The following SLC16A7 variants were observed in gnomAD, a reference collection of about 807,000 sequenced individuals.
SLC16A7 encodes the protein solute carrier family 16 member 7.
Under a neutral mutation model 34.9 loss-of-function variants are expected in SLC16A7, and 33 were observed. The observed-to-expected ratio is 0.94, with a 90% confidence interval of 0.72 to 1.26. The LOEUF (loss-of-function observed/expected upper bound fraction) is 1.26, where lower values mean the gene tolerates loss of function less well. Among genes scored for constraint, SLC16A7 ranks in the 50% most tolerant of loss-of-function variants. The pLI is 0.00. For missense variants in SLC16A7, 573 were observed against 578.1 expected, an observed-to-expected ratio of 0.99 and a Z score of 0.09; for synonymous variants, 201 against 206.6, an observed-to-expected ratio of 0.97 and a Z score of 0.23.
At chr12:59,767,897 A>C (rs1049174947) in intron 3 of SLC16A7, among the ~76,000 whole-genome samples, 8 of 147,164 alleles carry the variant, frequency 5.4e-5, no homozygotes, top group African/African-American at 2.0e-4. Context: ...GAACAATGAG[A>C]ACACTTGGAC....
intron 3 of SLC16A7, among the ~76,000 whole-genome samples, chr12:59,708,681 G>T (rs1268632249): frequency 3.3e-5 from 5 of 151,940 alleles, no homozygotes; most frequent in African/African-American, 9.7e-5. Context: ...CACTACTGTG[G>T]GGTCACTGAG....
Position 59,596,739 on chromosome 12 carries a change from G to A in SLC16A7, c.-130+503G>A, listed in dbSNP as rs1481993459. ...GAAGGTGGAGGCGGGGGTGGAGTGT[G>A]TGGAGAGAACGTCTTCTCTTTGAGC... is the stretch of plus-strand genomic sequence containing the variant. On this transcript the variant is annotated intron_variant, in intron 1 of 5. Coordinates refer to ENST00000547379, the MANE Select transcript of SLC16A7 (RefSeq NM_001270623.2). The surrounding 1 kb of genome is among the most constrained non-coding windows in gnomAD (Gnocchi z 5.0). 6.6e-6 allele frequency among the ~76,000 whole-genome samples: 1 copy of A among 152,210 alleles called. No homozygotes were observed. The highest frequency in any genetic ancestry group is 6.5e-5 in the Admixed American group (1 of 15,290).
chr12:59,747,820 A>C (rs939361590), intron 3 of SLC16A7, among the ~76,000 whole-genome samples: 1 of 152,210 alleles, frequency 6.6e-6, no homozygotes, highest in Non-Finnish European at 1.5e-5. Context: ...AATAATTGCA[A>C]AACTCTTTCC....
At chr12:59,668,777 C>T (rs550272506) in intron 2 of SLC16A7, among the ~76,000 whole-genome samples, 2 of 152,162 alleles carry the variant, frequency 1.3e-5, no homozygotes, top group African/African-American at 4.8e-5. Flanking sequence ...GCCTTTGGTC[C>T]CCATTCAAAT....
chr12:59,733,025 CT>C (rs1877139455), intron 3 of SLC16A7, among the ~76,000 whole-genome samples: 1 of 152,172 alleles, frequency 6.6e-6, no homozygotes, highest in Non-Finnish European at 1.5e-5. Flanking sequence ...TAAGTGGTAA[CT>C]TTACACTCTC....
At chr12:59,614,262 C>G (rs553399629) in intron 1 of SLC16A7, among the ~76,000 whole-genome samples, 1 of 152,176 alleles carries the variant, frequency 6.6e-6, no homozygotes, top group South Asian at 2.1e-4. Flanking sequence ...GTCTCTAACT[C>G]CTGACCTCAG....
Position 59,787,766 on chromosome 12 carries a change from T to C in SLC16A7, c.*8087T>C, listed in dbSNP as rs1565733175. Reference sequence around the variant, plus strand: ...AAAAACATCTGTAGTACGTGATGTGTTTGGTTAGATTCAGCCAAACCGACA... The same window carrying C: ...AAAAACATCTGTAGTACGTGATGTGCTTGGTTAGATTCAGCCAAACCGACA... On this transcript the variant is annotated 3_prime_UTR_variant, in exon 6 of 6. Coordinates refer to ENST00000547379, the MANE Select transcript of SLC16A7 (RefSeq NM_001270623.2). 1.3e-5 allele frequency: 2 copies of C among 152,146 alleles called. No homozygotes were observed. Among genetic ancestry groups the C allele is most frequent in the African/African-American group, 4.8e-5 (2 of 41,426 alleles). 9.4% of individuals were successfully genotyped at this position (152,146 alleles called of 1,614,324 possible). A position where few individuals can be genotyped will look rare whatever the true frequency, so the allele number is the denominator to read the frequency against.
chr12:59,768,488 T>C (rs1013540091), intron 3 of SLC16A7, among the ~76,000 whole-genome samples: 1 of 152,178 alleles, frequency 6.6e-6, no homozygotes, highest in Non-Finnish European at 1.5e-5. Context: ...TTACTTCTGA[T>C]GAAAATGCTG....
chr12:59,611,395 G>T (rs747236017), intron 1 of SLC16A7, among the ~76,000 whole-genome samples: 3 of 152,174 alleles, frequency 2.0e-5, no homozygotes, highest in Non-Finnish European at 4.4e-5. Context: ...AGAACAGCAT[G>T]AGGGTAACTG....
chr12:59,739,019 CATTTATTT>C (rs71850686), intron 3 of SLC16A7, among the ~76,000 whole-genome samples: 6,169 of 146,432 alleles, frequency 0.042, 419 homozygotes, highest in African/African-American at 0.15. Flanking sequence ...ATTTTTTTTT[CATTTATTT>C]ATTTATTTAT....
intron 1 of SLC16A7, among the ~76,000 whole-genome samples, chr12:59,634,768 A>G (rs1468431587): frequency 6.6e-6 from 1 of 152,124 alleles, no homozygotes; most frequent in East Asian, 1.9e-4. Flanking sequence ...TTGACCAAGT[A>G]GAGAATTTTT....
intron 3 of SLC16A7, among the ~76,000 whole-genome samples, chr12:59,739,079 AT>A (rs1423108051): frequency 1.3e-5 from 2 of 150,850 alleles, no homozygotes; most frequent in African/African-American, 4.9e-5. Flanking sequence ...TTTAGGGTAC[AT>A]GTGCACAATG....
chr12:59,757,887 G>T (rs1400086292), intron 3 of SLC16A7, among the ~76,000 whole-genome samples: 1 of 152,044 alleles, frequency 6.6e-6, no homozygotes, highest in Non-Finnish European at 1.5e-5. Context: ...TCAGTTATAA[G>T]AAGACAGTAT....
At chr12:59,659,954 G>A (rs1316824606) in intron 2 of SLC16A7, among the ~76,000 whole-genome samples, 1 of 152,016 alleles carries the variant, frequency 6.6e-6, no homozygotes, top group African/African-American at 2.4e-5. Context: ...GAGAAGCCTG[G>A]GGGTAAGAGA....
chr12:59,669,652 T>TCA (rs144456899), intron 2 of SLC16A7, among the ~76,000 whole-genome samples: 46,487 of 139,478 alleles, frequency 0.33, 7,885 homozygotes, highest in East Asian at 0.66. Context: ...CCATAGATAG[T>TCA]CACACACACA....
At chr12:59,767,843 A>G (rs1881823565) in intron 3 of SLC16A7, among the ~76,000 whole-genome samples, 1 of 151,500 alleles carries the variant, frequency 6.6e-6, no homozygotes, top group Non-Finnish European at 1.5e-5. Context: ...TATCGCAAGG[A>G]CAAAAAACCA....
chr12:59,708,501 TA>T (rs917563463), intron 3 of SLC16A7, among the ~76,000 whole-genome samples: 6 of 152,108 alleles, frequency 3.9e-5, no homozygotes, highest in Admixed American at 1.3e-4. Context: ...TTGATGATTA[TA>T]AAAAAAATTT....
intron 3 of SLC16A7, among the ~76,000 whole-genome samples, chr12:59,770,015 T>G (rs1428178718): frequency 6.6e-6 from 1 of 152,128 alleles, no homozygotes; most frequent in South Asian, 2.1e-4. Flanking sequence ...GTCTCAATTG[T>G]TAAGTTACAC....
chr12:59,713,779 A>T (rs1874537597), intron 3 of SLC16A7, among the ~76,000 whole-genome samples: 1 of 152,180 alleles, frequency 6.6e-6, no homozygotes, highest in Non-Finnish European at 1.5e-5. Flanking sequence ...TGTCCAGGTA[A>T]TCCAGCATCA....
Sources: gnomAD v4.1 joint callset for allele counts (sites outside exome capture counted in the v4.1 genomes callset) on GRCh38, gnomAD v4.1.1 for gene constraint, Gnocchi (gnomAD v3.1) non-coding constraint, MANE v1.5 for transcripts, NCBI Gene and HGNC (gene_info 2026-07-23, HGNC 2026-07-21) for gene names.